Variants in BPHL observed in about 807,000 individuals in gnomAD.
BPHL encodes the protein serine hydrolase BPHL.
In BPHL, 27 loss-of-function variants were observed where a neutral mutation model predicts 31.2. The ratio of observed to expected loss-of-function variants is 0.87; its 90% CI spans 0.64 to 1.19. The LOEUF (loss-of-function observed/expected upper bound fraction) is 1.19. Among genes scored for constraint, BPHL ranks in the 50% most tolerant of loss-of-function variants. The pLI is 0.00. For missense variants in BPHL, 356 were observed against 375.7 expected (o/e 0.95, Z 0.43); for synonymous variants, 150 against 146.8 (o/e 1.02, Z -0.16).
chr6:3,142,317 C>G (rs1762201062), intron 6 of BPHL, among the ~76,000 whole-genome samples: 2 of 152,044 alleles, frequency 1.3e-5, no homozygotes, highest in South Asian at 4.1e-4. Flanking sequence ...CGGGGTTTCA[C>G]TGTGTTAGCC....
intron 1 of BPHL, 27 bp downstream of exon 1, chr6:3,118,874 A>T (rs1761469150): frequency 9.7e-6 from 12 of 1,231,812 alleles, no homozygotes; most frequent in Non-Finnish European, 1.2e-5. Flanking sequence ...CGCCCCGGGG[A>T]TCCCCAGCAT....
chr6:3,127,350 G>A lies in BPHL; in HGVS notation c.320G>A (p.Arg107His), dbSNP rs749662207. Residue 107 changes from arginine to histidine, a missense_variant, in exon 3 of 7, where the codon CGC becomes CAC. Coordinates refer to ENST00000380379, the MANE Select transcript of BPHL (RefSeq NM_004332.4). The stretch of plus-strand genomic sequence containing the variant: ...TATGGACATTCCAGGCCCCCAGATC[G>A]CGATTTCCCAGCAGACTTTTTTGAA... ...RGYGHSRPPD[R>H]DFPADFFERD... is the part of the protein sequence containing the mutation. 1.2e-6 allele frequency: 2 copies of A among 1,607,530 alleles called. No homozygotes were observed. Among genetic ancestry groups the A allele is most frequent in the Non-Finnish European group, 8.5e-7 (1 of 1,175,910 alleles).
At chr6:3,143,687 T>C (rs966881116) in intron 6 of BPHL, among the ~76,000 whole-genome samples, 3 of 152,232 alleles carry the variant, frequency 2.0e-5, no homozygotes, top group Non-Finnish European at 2.9e-5. Context: ...GACCTACTCA[T>C]ATGACTTCAT....
At chr6:3,147,138 G>C (rs1561801851) in intron 6 of BPHL, among the ~76,000 whole-genome samples, 1 of 152,158 alleles carries the variant, frequency 6.6e-6, no homozygotes, top group Non-Finnish European at 1.5e-5. Flanking sequence ...GTATGCACCT[G>C]TAGTCCAAGC....
Position 3,118,979 on chromosome 6 carries a change from C to T in BPHL, c.107+132C>T, listed in dbSNP as rs974509130. The stretch of plus-strand genomic sequence containing the variant: ...CGTGGGCGCGGCCTGGCTGCCCTGT[C>T]GCCCTTTGTGCCGCGAGACCCCGAT... On this transcript the variant is annotated intron_variant, in intron 1 of 6. Transcript: ENST00000380379. 104 of 789,352 alleles carry T rather than the reference C, an allele frequency of 1.3e-4. No homozygotes were observed. In the Admixed American group the frequency reaches 3.3e-3, roughly 25 times the overall value. The allele number at this position is 789,352 out of a possible 1,614,324, so 48.9% of individuals were successfully genotyped here.
chr6:3,148,526 A>G (rs1762438796), intron 6 of BPHL, among the ~76,000 whole-genome samples: 4 of 152,246 alleles, frequency 2.6e-5, no homozygotes, highest in Admixed American at 2.6e-4. Flanking sequence ...CCAGGGCTGC[A>G]GCTTCCGTTC....
At chr6:3,123,892 C>G (rs1761646195) in intron 2 of BPHL, 132 bp downstream of exon 2, 1 of 725,944 alleles carries the variant, frequency 1.4e-6, no homozygotes, top group South Asian at 2.4e-5. Context: ...TACAATCAAA[C>G]TTAAATGACT....
upstream of BPHL, chr6:3,118,630 T>G: frequency 6.8e-6 from 5 of 738,698 alleles, no homozygotes; most frequent in Non-Finnish European, 9.3e-6. Context: ...CGGAGCAGGA[T>G]GGAGAGGCGA....
intron 6 of BPHL, among the ~76,000 whole-genome samples, chr6:3,142,721 T>C (rs1762215209): frequency 6.6e-6 from 1 of 152,204 alleles, no homozygotes; most frequent in African/African-American, 2.4e-5. Context: ...ATATGTATGA[T>C]GGTAACATGC....
At chr6:3,129,640 C>T (rs1761814292) in intron 4 of BPHL, among the ~76,000 whole-genome samples, 1 of 152,030 alleles carries the variant, frequency 6.6e-6, no homozygotes, top group Non-Finnish European at 1.5e-5. Flanking sequence ...TGCCACTGCA[C>T]TTTTGCCTGG....
intron 4 of BPHL, among the ~76,000 whole-genome samples, chr6:3,130,275 G>A (rs1761836941): frequency 6.6e-6 from 1 of 152,192 alleles, no homozygotes; most frequent in South Asian, 2.1e-4. Context: ...TGCTGCCCCA[G>A]ACCTGCACTG....
At chr6:3,132,272 A>G (rs184085291) in intron 4 of BPHL, among the ~76,000 whole-genome samples, 1 of 152,242 alleles carries the variant, frequency 6.6e-6, no homozygotes, top group Admixed American at 6.5e-5. Context: ...TGTGTGCGCC[A>G]TTGGTTACAC....
At chr6:3,135,449 A>G (rs547348467) in intron 4 of BPHL, among the ~76,000 whole-genome samples, 7 of 152,210 alleles carry the variant, frequency 4.6e-5, no homozygotes, top group African/African-American at 1.7e-4. Context: ...TACCTTTGAT[A>G]TATTGCTGTT....
At chr6:3,133,316 G>A (rs1213927182) in intron 4 of BPHL, among the ~76,000 whole-genome samples, 3 of 152,066 alleles carry the variant, frequency 2.0e-5, no homozygotes, top group African/African-American at 7.2e-5. Context: ...AGCCTCGTTG[G>A]TCCCGTCTGG....
At chr6:3,141,400 C>T (rs966798769) in intron 6 of BPHL, among the ~76,000 whole-genome samples, 3 of 152,286 alleles carry the variant, frequency 2.0e-5, no homozygotes, top group East Asian at 1.9e-4. Context: ...CGGAGTCTCG[C>T]ACTGTCACCT....
In BPHL at chr6:3,129,053, G is replaced by A. The variant is rs145702455; in HGVS notation, c.387G>A (p.Lys129=). The part of the protein sequence containing the change: ...KDAVDLMKAL[K]FKKVSLLGWS... ...TTGTCGTATGATCATAGGCGCTGAA[G>A]TTTAAGAAGGTTTCTCTGCTGGGGT... is the stretch of plus-strand genomic sequence containing the variant. The change falls in exon 4 of 7, where the codon AAG becomes AAA. Residue 129 remains lysine, a synonymous_variant. Transcript: ENST00000380379. 7.6e-4 allele frequency: 1,234 copies of A among 1,614,274 alleles called. 1 individual carries two copies. The highest frequency in any genetic ancestry group is 9.9e-4 in the Non-Finnish European group (1,166 of 1,180,048).
chr6:3,140,466 C>T lies in BPHL; in HGVS notation c.745C>T (p.Arg249Trp), dbSNP rs756888270. The T allele has an allele frequency of 4.1e-5, 66 of 1,614,000 alleles. No homozygotes were observed. The East Asian group carries it at 5.1e-4, about 13-fold the overall frequency. ...VHGEKDPLVP[R>W]FHADFIHKHV... ...CGGTGAGAAGGATCCTCTGGTCCCA[C>T]GGTTTCATGCCGACTTCATTCATAA... The change falls in exon 6 of 7, where the codon CGG becomes TGG. Residue 249 changes from arginine (R) to tryptophan (W), a missense_variant. Coordinates refer to ENST00000380379, the MANE Select transcript of BPHL (RefSeq NM_004332.4). The surrounding 1 kb of genome is among the most constrained non-coding windows in gnomAD (Gnocchi z 5.2).
chr6:3,146,079 G>A (rs141463347), intron 6 of BPHL, among the ~76,000 whole-genome samples: 4,213 of 54,930 alleles, frequency 0.077, 1,235 homozygotes, highest in African/African-American at 0.14. Flanking sequence ...TCGGGGTGGA[G>A]TGCTGATGTG....
intron 2 of BPHL, 192 bp from the exon 3 acceptor site, chr6:3,127,050 C>T: frequency 1.2e-5 from 5 of 401,326 alleles, no homozygotes; most frequent in Non-Finnish European, 2.2e-5. Context: ...GGATTACAGG[C>T]GCACCCGGTC....
Sources: gnomAD v4.1 joint callset for allele counts (sites outside exome capture counted in the v4.1 genomes callset) on GRCh38, gnomAD v4.1.1 for gene constraint, Gnocchi (gnomAD v3.1) non-coding constraint, MANE v1.5 for transcripts, NCBI Gene and HGNC (gene_info 2026-07-23, HGNC 2026-07-21) for gene names.